RNGTT: variants seen among roughly 807,000 people sequenced by gnomAD.
RNGTT encodes the protein RNA guanylyltransferase and 5'-phosphatase.
RNGTT carries 33 observed loss-of-function variants against 79.3 expected under a neutral mutation model. The ratio of observed to expected loss-of-function variants is 0.42; its 90% CI spans 0.32 to 0.56. RNGTT has a LOEUF of 0.56. Among genes scored for constraint, RNGTT ranks in the 20% least tolerant of loss-of-function variants. The pLI, the probability that RNGTT is intolerant of heterozygous loss-of-function variation, is 0.17. For missense variants in RNGTT, 497 were observed against 739.1 expected (o/e 0.67, Z 3.80); for synonymous variants, 222 against 235.9 (o/e 0.94, Z 0.54).
At chr6:88,756,881 T>C (rs1470608299) in intron 13 of RNGTT, among the ~76,000 whole-genome samples, 1 of 152,184 alleles carries the variant, frequency 6.6e-6, no homozygotes, top group Non-Finnish European at 1.5e-5. Context: ...AAACGCTGGA[T>C]GGACAGGTTG....
chr6:88,878,719 G>GAA (rs1242210492), intron 8 of RNGTT, among the ~76,000 whole-genome samples: 11 of 152,060 alleles, frequency 7.2e-5, no homozygotes, highest in African/African-American at 2.7e-4. Context: ...TTACATATCA[G>GAA]GAGCTATTTG....
chr6:88,888,960 G>A (rs550432719), intron 8 of RNGTT, among the ~76,000 whole-genome samples: 24 of 152,116 alleles, frequency 1.6e-4, no homozygotes, highest in Non-Finnish European at 2.1e-4. Context: ...CCTGGCAGGC[G>A]GAGGTTGTGG....
At chr6:88,858,561 G>A (rs933490024) in intron 8 of RNGTT, among the ~76,000 whole-genome samples, 2 of 152,112 alleles carry the variant, frequency 1.3e-5, no homozygotes, top group East Asian at 1.9e-4. Context: ...CTGAAGAAAA[G>A]AGCACTTTTA....
chr6:88,727,239 G>A (rs1165289120), intron 13 of RNGTT, among the ~76,000 whole-genome samples: 1 of 152,140 alleles, frequency 6.6e-6, no homozygotes, highest in Non-Finnish European at 1.5e-5. Flanking sequence ...GAATGTGCAA[G>A]GTGTATAAGG....
chr6:88,656,606 G>GCAAAAGTAT (rs1773987160), intron 14 of RNGTT, among the ~76,000 whole-genome samples: 1 of 151,972 alleles, frequency 6.6e-6, no homozygotes, highest in Admixed American at 6.6e-5. Flanking sequence ...GAAATTATAA[G>GCAAAAGTAT]CAAAAGTATG....
At position 88,890,537 on chromosome 6, in the gene RNGTT, T is replaced by G; in HGVS notation, c.854A>C (p.Asp285Ala). The G allele has an allele frequency of 6.2e-7, 1 of 1,613,770 alleles. No homozygotes were observed. The highest frequency in any genetic ancestry group is 8.5e-7 in the Non-Finnish European group (1 of 1,179,808). ...SMDKQNIKLL[D>A]LKPYKVSWKA... ...CCAGCTTACTTTGTATGGCTTCAGG[T>G]CTAAAAGTTTAATATTTTGCTTGTC... is the stretch of plus-strand genomic sequence containing the variant. The change falls in exon 8 of 16, where the codon GAC becomes GCC. Residue 285 changes from aspartate to alanine, a missense_variant. By Grantham distance (126) the Asp-to-Ala change is moderately radical. This residue lies in a region of RNGTT where 440 missense variants were observed against 671.5 expected (regional missense o/e 0.66). Transcript: ENST00000369485.
At chr6:88,828,545 G>C (rs566322825) in intron 11 of RNGTT, among the ~76,000 whole-genome samples, 1 of 152,116 alleles carries the variant, frequency 6.6e-6, no homozygotes, top group Non-Finnish European at 1.5e-5. Context: ...GAATGAGTTT[G>C]AGGAATTGAC....
intron 4 of RNGTT, among the ~76,000 whole-genome samples, chr6:88,922,283 T>C (rs1428489826): frequency 6.6e-6 from 1 of 152,028 alleles, no homozygotes; most frequent in Non-Finnish European, 1.5e-5. Context: ...GAGTGTGATA[T>C]TTCAATACAT....
intron 13 of RNGTT, among the ~76,000 whole-genome samples, chr6:88,716,936 G>A (rs539550914): frequency 3.9e-5 from 6 of 152,264 alleles, no homozygotes; most frequent in Admixed American, 3.9e-4. Context: ...CCTGCATGTT[G>A]TGCACATGTA....
intron 14 of RNGTT, among the ~76,000 whole-genome samples, chr6:88,619,161 C>A (rs1772349169): frequency 6.6e-6 from 1 of 151,900 alleles, no homozygotes; most frequent in East Asian, 1.9e-4. Context: ...CTCCCTACCA[C>A]AGATTTTTCT....
In RNGTT at chr6:88,771,325, A is replaced by G. The variant is rs1482984892; in HGVS notation, c.1339-1451T>C. 3.1e-3 allele frequency among the ~76,000 whole-genome samples: 341 copies of G among 109,500 alleles called. 2 individuals carry two copies. Among genetic ancestry groups the G allele is most frequent in the South Asian group, 9.0e-3 (28 of 3,098 alleles). 71.8% of individuals were successfully genotyped at this position (109,500 alleles called of 152,430 possible). ...TGTATGTGTGTGTGTGTATATATAT[A>G]TATATATATATATATATATATATAT... On this transcript the variant is annotated intron_variant, in intron 12 of 15. Transcript: ENST00000369485.
At chr6:88,930,003 T>C (rs1312773387) in intron 2 of RNGTT, among the ~76,000 whole-genome samples, 2 of 148,954 alleles carry the variant, frequency 1.3e-5, no homozygotes, top group East Asian at 3.9e-4. Context: ...TATACATATA[T>C]ACATATGCAT....
intron 11 of RNGTT, among the ~76,000 whole-genome samples, chr6:88,802,868 ACT>A (rs1198042735): frequency 1.3e-5 from 2 of 152,114 alleles, no homozygotes. Context: ...GGTTATCTAG[ACT>A]CTGGCCAATT....
chr6:88,751,311 A>G (rs1480439929), intron 13 of RNGTT, among the ~76,000 whole-genome samples: 1 of 152,114 alleles, frequency 6.6e-6, no homozygotes, highest in East Asian at 1.9e-4. Context: ...TGCTCATGCA[A>G]TTTTTAAATC....
intron 8 of RNGTT, among the ~76,000 whole-genome samples, chr6:88,869,856 G>C (rs948731767): frequency 6.6e-6 from 1 of 152,052 alleles, no homozygotes; most frequent in Non-Finnish European, 1.5e-5. Flanking sequence ...GCAGCAATTT[G>C]ATTTGTTCTA....
intron 13 of RNGTT, among the ~76,000 whole-genome samples, chr6:88,693,275 AAAG>A (rs1395418537): frequency 6.6e-6 from 1 of 152,118 alleles, no homozygotes; most frequent in Non-Finnish European, 1.5e-5. Context: ...ATCAGAAATG[AAAG>A]AAGAGATATT....
intron 13 of RNGTT, among the ~76,000 whole-genome samples, chr6:88,688,233 G>A (rs1351916591): frequency 6.6e-6 from 1 of 152,160 alleles, no homozygotes; most frequent in African/African-American, 2.4e-5. Context: ...AGAGATGCAG[G>A]TTTCTCACTG....
At chr6:88,723,584 A>G (rs1394989394) in intron 13 of RNGTT, among the ~76,000 whole-genome samples, 1 of 152,222 alleles carries the variant, frequency 6.6e-6, no homozygotes, top group East Asian at 1.9e-4. Context: ...CACTACCTGC[A>G]ACATCTTAGT....
At chr6:88,717,372 CAA>C (rs1776554932) in intron 13 of RNGTT, among the ~76,000 whole-genome samples, 1 of 152,182 alleles carries the variant, frequency 6.6e-6, no homozygotes, top group African/African-American at 2.4e-5. Context: ...TCTCAAATCA[CAA>C]AGATCTCAGA....
Sources: gnomAD v4.1 joint callset for allele counts (sites outside exome capture counted in the v4.1 genomes callset) on GRCh38, gnomAD v4.1.1 for gene constraint, gnomAD v4.1.1 regional missense constraint, MANE v1.5 for transcripts, NCBI Gene and HGNC (gene_info 2026-07-23, HGNC 2026-07-21) for gene names.